Variants in CLIP2 observed in about 807,000 individuals in gnomAD.
The protein encoded by CLIP2 is CAP-Gly domain containing linker protein 2, also known as CAP-Gly domain-containing linker protein 2.
Under a neutral mutation model 111.7 loss-of-function variants are expected in CLIP2, and 41 were observed. That is an observed-to-expected ratio of 0.37 (90% CI 0.29 to 0.48). The LOEUF (loss-of-function observed/expected upper bound fraction) is 0.48. Among genes scored for constraint, CLIP2 ranks in the 20% least tolerant of loss-of-function variants. The pLI is 0.99. For synonymous variants in CLIP2, 660 were observed against 644.2 expected (o/e 1.02, Z -0.37); for missense variants, 1,160 against 1,422.1 (o/e 0.82, Z 2.96).
At chr7:74,318,675 T>C (rs1788857070) in intron 2 of CLIP2, among the ~76,000 whole-genome samples, 1 of 152,124 alleles carries the variant, frequency 6.6e-6, no homozygotes, top group Admixed American at 6.6e-5. Context: ...ATCACACCAC[T>C]GCACTCCAGC....
chr7:74,373,173 C>A, intron 9 of CLIP2, 137 bp downstream of exon 9: 1 of 616,936 alleles, frequency 1.6e-6, no homozygotes, highest in Non-Finnish European at 2.8e-6. Flanking sequence ...ATTTTTGCAT[C>A]CCCTTGGAGG....
chr7:74,313,128 C>T (rs1554728725), intron 1 of CLIP2, among the ~76,000 whole-genome samples: 2 of 151,446 alleles, frequency 1.3e-5, no homozygotes, highest in Admixed American at 1.3e-4. Context: ...CCAGCCTGGG[C>T]AACATAGTGA....
intron 3 of CLIP2, among the ~76,000 whole-genome samples, chr7:74,342,949 G>A (rs923505134): frequency 6.6e-6 from 1 of 151,500 alleles, no homozygotes; most frequent in African/African-American, 2.4e-5. Context: ...GCAGGAGAAT[G>A]GCGTGAACCT....
chr7:74,317,038 C>G (rs555829368), intron 1 of CLIP2, among the ~76,000 whole-genome samples: 33 of 152,288 alleles, frequency 2.2e-4, no homozygotes, highest in African/African-American at 7.9e-4. Flanking sequence ...TGTACCCAGT[C>G]TAAAAGTGGT....
chr7:74,292,366 T>G (rs1419887390), intron 1 of CLIP2, among the ~76,000 whole-genome samples: 5 of 152,174 alleles, frequency 3.3e-5, no homozygotes, highest in Non-Finnish European at 1.5e-5. Context: ...AAGTATATAT[T>G]AAGTGCTTAC....
At position 74,360,244 on chromosome 7, in the gene CLIP2, G is replaced by A; in HGVS notation, c.1285G>A (p.Val429Met). 6.2e-7 allele frequency: 1 copy of A among 1,606,232 alleles called. No homozygotes were observed. Among genetic ancestry groups the A allele is most frequent in the Non-Finnish European group, 8.5e-7 (1 of 1,176,492 alleles). ...CGTGGAGAGCGTGCGGAAAGAGAAGGTGGACCTGTCCAACCAGCTGGAGGA... is the reference window on the plus strand; with the variant it reads ...CGTGGAGAGCGTGCGGAAAGAGAAGATGGACCTGTCCAACCAGCTGGAGGA... ...LLVESVRKEK[V>M]DLSNQLEEER... Residue 429 changes from valine to methionine, a missense_variant, in exon 7 of 17, where the codon GTG becomes ATG. Coordinates refer to ENST00000223398, the MANE Select transcript of CLIP2 (RefSeq NM_003388.5).
intron 14 of CLIP2, 43 bp downstream of exon 14, chr7:74,397,276 G>C: frequency 6.3e-7 from 1 of 1,588,430 alleles, no homozygotes; most frequent in Non-Finnish European, 8.6e-7. Context: ...GCACTAGTCC[G>C]GGTGGGGCTG....
At chr7:74,329,098 T>TG (rs1242361741) in intron 2 of CLIP2, among the ~76,000 whole-genome samples, 3 of 147,294 alleles carry the variant, frequency 2.0e-5, no homozygotes, top group Non-Finnish European at 3.0e-5. Context: ...TTTTTTTTTT[T>TG]TTTTTTTTTA....
chr7:74,329,492 G>A (rs1789215594), intron 2 of CLIP2, among the ~76,000 whole-genome samples: 2 of 152,172 alleles, frequency 1.3e-5, no homozygotes, highest in African/African-American at 2.4e-5. Flanking sequence ...CTGCAGACAA[G>A]TACCCTTCAC....
chr7:74,326,626 T>A (rs1789114767), intron 2 of CLIP2, among the ~76,000 whole-genome samples: 1 of 150,318 alleles, frequency 6.7e-6, no homozygotes, highest in African/African-American at 2.4e-5. Flanking sequence ...CACACAGGGC[T>A]GGGCCCAGAG....
At chr7:74,294,840 G>A (rs1788125356) in intron 1 of CLIP2, among the ~76,000 whole-genome samples, 1 of 152,200 alleles carries the variant, frequency 6.6e-6, no homozygotes, top group Non-Finnish European at 1.5e-5. Context: ...GATGCCTAGT[G>A]GAGCTGTTGG....
rs1339243961 is a variant in CLIP2 at position 74,404,616 on chromosome 7, CGT to C, written c.*770_*771del. The stretch of plus-strand genomic sequence containing the variant: ...GGAAACCCCTCTCCTCACCTCCCAC[CGT>C]GACCTTGGGCAAACCCTGGCTCGGA... On this transcript the variant is annotated 3_prime_UTR_variant, in exon 17 of 17. Transcript: ENST00000223398. 6.5e-6 allele frequency: 1 copy of C among 152,706 alleles called. No homozygotes were observed. Among genetic ancestry groups the C allele is most frequent in the Non-Finnish European group, 1.5e-5 (1 of 68,120 alleles). 9.5% of individuals were successfully genotyped at this position (152,706 alleles called of 1,614,324 possible).
rs782011808 is a variant in CLIP2 at position 74,357,285 on chromosome 7, G to A, written c.1023G>A (p.Thr341=). The A allele has an allele frequency of 1.2e-5, 20 of 1,613,726 alleles. No individual in the cohort carries two copies. Among genetic ancestry groups the A allele is most frequent in the East Asian group, 4.5e-5 (2 of 44,888 alleles). Residue 341 remains threonine, a synonymous_variant, in exon 6 of 17, where the codon ACG becomes ACA. Transcript: ENST00000223398. ...GGRPSRSGLL[T]ETSSRYARKI... ...GCATCCACACCTTCCTGCAGCTCAC[G>A]GAGACCTCTTCACGCTACGCCCGCA...
intron 2 of CLIP2, among the ~76,000 whole-genome samples, chr7:74,327,947 GGGA>G (rs1789164023): frequency 6.6e-6 from 1 of 152,200 alleles, no homozygotes; most frequent in Non-Finnish European, 1.5e-5. Flanking sequence ...CTCCTGGTTT[GGGA>G]GGAGGGGGCA....
At chr7:74,368,658 T>C (rs1790522960) in intron 8 of CLIP2, among the ~76,000 whole-genome samples, 1 of 152,196 alleles carries the variant, frequency 6.6e-6, no homozygotes, top group South Asian at 2.1e-4. Flanking sequence ...CACCATGCCA[T>C]GGATAGCCCT....
chr7:74,312,641 G>T lies in CLIP2; in HGVS notation c.-67-4839G>T, dbSNP rs187671985. Among the ~76,000 whole-genome samples, 853 of 152,298 alleles carry T rather than the reference G, an allele frequency of 5.6e-3. 4 individuals carry two copies. The highest frequency in any genetic ancestry group is 0.011 in the African/African-American group (447 of 41,582). Reference sequence around the variant, plus strand: ...GCCACCAGGAGGGCCAGGTTCTGAGGACGAAGGGAGCAGCCTTGTACCCCA... The same window carrying T: ...GCCACCAGGAGGGCCAGGTTCTGAGTACGAAGGGAGCAGCCTTGTACCCCA... On this transcript the variant is annotated intron_variant, in intron 1 of 16. Transcript: ENST00000223398.
chr7:74,397,155 A>G lies in CLIP2; in HGVS notation c.2802A>G (p.Val934=), dbSNP rs1489982105. The G allele has an allele frequency of 3.1e-6, 5 of 1,613,902 alleles. No homozygotes were observed. The highest frequency in any genetic ancestry group is 1.1e-5 in the South Asian group (1 of 91,066). The change falls in exon 14 of 17, where the codon GTA becomes GTG. Residue 934 remains valine (V), a synonymous_variant. Coordinates refer to ENST00000223398, the MANE Select transcript of CLIP2 (RefSeq NM_003388.5). ...CGGAGAGGGACCTGAGCCGTGAGGT[A>G]CACAAGGCTGAGTGGCGGATCAAGG... is the stretch of plus-strand genomic sequence containing the variant. ...PGPERDLSRE[V]HKAEWRIKEQ...
chr7:74,361,670 A>G (rs2116620067), intron 7 of CLIP2, among the ~76,000 whole-genome samples: 1 of 152,292 alleles, frequency 6.6e-6, no homozygotes, highest in African/African-American at 2.4e-5. Context: ...GGCACACGCC[A>G]TCATGCCCAG....
intron 8 of CLIP2, among the ~76,000 whole-genome samples, chr7:74,372,429 T>G (rs1790655179): frequency 3.3e-5 from 4 of 122,392 alleles, no homozygotes; most frequent in African/African-American, 6.3e-5. Context: ...CGAGCGGGAA[T>G]CCCGGGGTCC....
Sources: allele counts gnomAD v4.1 joint callset (sites outside exome capture counted in the v4.1 genomes callset), GRCh38; gene constraint gnomAD v4.1.1; transcripts MANE v1.5; gene names NCBI Gene and HGNC (gene_info 2026-07-23, HGNC 2026-07-21).